The following PYGB variants were observed in gnomAD, a reference collection of about 807,000 sequenced individuals.
PYGB encodes glycogen phosphorylase B.
In PYGB, 82 loss-of-function variants were observed where a neutral mutation model predicts 94.3. The observed-to-expected ratio is 0.87, with a 90% confidence interval of 0.73 to 1.04. PYGB has a LOEUF of 1.04. Ranked by LOEUF, PYGB falls within the 50% of genes least tolerant of loss-of-function variation. The pLI is 0.00. For missense variants in PYGB, 1,132 were observed against 1,158.2 expected, an observed-to-expected ratio of 0.98 and a Z score of 0.33; for synonymous variants, 488 against 479.1, an observed-to-expected ratio of 1.02 and a Z score of -0.24.
intron 12 of PYGB, among the ~76,000 whole-genome samples, chr20:25,282,761 T>A (rs1358077480): frequency 6.6e-6 from 1 of 151,930 alleles, no homozygotes; most frequent in Non-Finnish European, 1.5e-5. Context: ...TGAGGAGAGG[T>A]GGCCGAGTGT....
intron 14 of PYGB, 40 bp from the exon 15 acceptor site, chr20:25,288,385 T>C (rs2088436729): frequency 1.2e-6 from 2 of 1,612,936 alleles, no homozygotes; most frequent in Non-Finnish European, 8.5e-7. Flanking sequence ...CTCGTCCGGC[T>C]CGCGGTGCCT....
chr20:25,291,644 G>A (rs1006066114), intron 16 of PYGB, among the ~76,000 whole-genome samples: 22 of 152,034 alleles, frequency 1.4e-4, no homozygotes, highest in Non-Finnish European at 1.0e-4. Flanking sequence ...TCCTCTGACC[G>A]AAGCATCTCC....
Position 25,279,092 on chromosome 20 carries a change from C to G in PYGB, c.1035C>G (p.Leu345=), listed in dbSNP as rs2088341910. The G allele has an allele frequency of 6.2e-7, 1 of 1,614,044 alleles. No individual in the cohort carries two copies. Among genetic ancestry groups the G allele is most frequent in the Non-Finnish European group, 8.5e-7 (1 of 1,179,912 alleles). The part of the protein sequence containing the change: ...AIQLNDTHPA[L]SIPELMRILV... ...AGCTGAACGACACCCACCCCGCCCT[C>G]TCCATCCCTGAGCTCATGCGGATCC... Residue 345 remains leucine (L), a synonymous_variant, in exon 9 of 20, where the codon CTC becomes CTG. Transcript: ENST00000216962.
At position 25,292,467 on chromosome 20, in the gene PYGB, A is replaced by C. The variant is rs979944577; in HGVS notation, c.2031A>C (p.Thr677=). 6.2e-7 allele frequency: 1 copy of C among 1,613,440 alleles called. No homozygotes were observed. Among genetic ancestry groups the C allele is most frequent in the East Asian group, 2.2e-5 (1 of 44,890 alleles). ...ISTAGTEASG[T]GNMKFMLNGA... is the part of the protein sequence containing the mutation. ...CTGCAGGCACCGAGGCCTCAGGCAC[A>C]GGCAACATGAAGTTCATGCTCAACG... The change falls in exon 17 of 20, where the codon ACA becomes ACC. Residue 677 remains threonine, a synonymous_variant. Coordinates refer to ENST00000216962, the MANE Select transcript of PYGB (RefSeq NM_002862.4).
chr20:25,256,470 T>C (rs989957776), intron 1 of PYGB, among the ~76,000 whole-genome samples: 2 of 147,574 alleles, frequency 1.4e-5, no homozygotes, highest in African/African-American at 5.0e-5. Context: ...CATTCCAGCC[T>C]GGGCAACAGA....
intron 18 of PYGB, 136 bp downstream of exon 18, chr20:25,294,428 G>A: frequency 8.7e-7 from 1 of 1,147,454 alleles, no homozygotes; most frequent in Non-Finnish European, 1.2e-6. Context: ...GTGCCCATGA[G>A]ACCTTACTGG....
intron 12 of PYGB, 126 bp downstream of exon 12, chr20:25,282,273 G>A: frequency 1.3e-6 from 1 of 759,284 alleles, no homozygotes; most frequent in African/African-American, 1.8e-5. Flanking sequence ...TGACCTGCAG[G>A]CTTCTGGACA....
intron 9 of PYGB, among the ~76,000 whole-genome samples, chr20:25,280,016 T>A (rs1456523068): frequency 6.6e-6 from 1 of 152,226 alleles, no homozygotes; most frequent in Non-Finnish European, 1.5e-5. Context: ...TGTGTCTTAT[T>A]TGTGTGTGTG....
chr20:25,248,555 AGC>A, intron 1 of PYGB, 134 bp downstream of exon 1: 4 of 1,157,462 alleles, frequency 3.5e-6, no homozygotes, highest in Non-Finnish European at 4.3e-6. Context: ...GGCCAGGCAC[AGC>A]CGACTGGGGA....
chr20:25,288,582 G>C (rs777161769), intron 15 of PYGB, 99 bp downstream of exon 15: 8 of 1,407,440 alleles, frequency 5.7e-6, no homozygotes, highest in Non-Finnish European at 7.9e-6. Flanking sequence ...ATCCATACTC[G>C]GGAACCGGAT....
intron 14 of PYGB, among the ~76,000 whole-genome samples, chr20:25,287,126 A>G (rs1421247527): frequency 2.0e-5 from 3 of 152,160 alleles, no homozygotes; most frequent in African/African-American, 7.2e-5. Context: ...CTGCAAACAA[A>G]TGACCTGGCG....
chr20:25,270,075 C>T (rs934371915), intron 3 of PYGB, among the ~76,000 whole-genome samples: 2 of 152,186 alleles, frequency 1.3e-5, no homozygotes, highest in Non-Finnish European at 2.9e-5. Flanking sequence ...CTCCATCATC[C>T]CTCTCCCTCA....
At chr20:25,251,090 A>G (rs1343518266) in intron 1 of PYGB, 1 of 152,256 alleles carries the variant, frequency 6.6e-6, no homozygotes, top group African/African-American at 2.4e-5. Flanking sequence ...AGATTTGTCA[A>G]GCTTTGCCAT....
intron 7 of PYGB, 79 bp from the exon 8 acceptor site, chr20:25,278,240 A>G (rs2088331275): frequency 2.9e-6 from 2 of 699,700 alleles, no homozygotes; most frequent in Admixed American, 6.3e-5. Flanking sequence ...TGCACCTTTG[A>G]GCCAGGTCGC....
At chr20:25,276,447 A>G (rs969309250) in intron 5 of PYGB, among the ~76,000 whole-genome samples, 199 bp from the exon 6 acceptor site, 17 of 151,842 alleles carry the variant, frequency 1.1e-4, no homozygotes, top group Admixed American at 2.6e-4. Context: ...CAGGATGACA[A>G]TGTGGGCACC....
At chr20:25,283,342 C>T (rs2088386742) in intron 13 of PYGB, 65 bp downstream of exon 13, 3 of 1,413,080 alleles carry the variant, frequency 2.1e-6, no homozygotes, top group African/African-American at 1.4e-5. Context: ...TAGGCCCTGG[C>T]CCTAGCCCTC....
At chr20:25,264,558 A>G (rs991493902) in intron 2 of PYGB, among the ~76,000 whole-genome samples, 2 of 152,236 alleles carry the variant, frequency 1.3e-5, no homozygotes, top group Non-Finnish European at 2.9e-5. Context: ...CCTTAAGCTG[A>G]TAAGCAACTT....
rs745625366 is a variant in PYGB, at chr20:25,295,616, T to C, written c.2325T>C (p.Phe775=). The change falls in exon 19 of 20, where the codon TTT becomes TTC. Residue 775 remains phenylalanine, a synonymous_variant. Coordinates refer to ENST00000216962, the MANE Select transcript of PYGB (RefSeq NM_002862.4). The part of the protein sequence containing the change: ...MLMHHDRFKV[F]ADYEAYMQCQ... ...TCTCCCATTCCAGGTTCAAGGTGTT[T>C]GCAGACTATGAAGCCTACATGCAGT... is the stretch of plus-strand genomic sequence containing the variant. 1.9e-6 allele frequency: 3 copies of C among 1,613,982 alleles called. No individual in the cohort carries two copies. The South Asian group carries it at 3.3e-5, about 18-fold the overall frequency.
chr20:25,271,701 G>C (rs989818226), intron 4 of PYGB, among the ~76,000 whole-genome samples: 1 of 152,214 alleles, frequency 6.6e-6, no homozygotes, highest in African/African-American at 2.4e-5. Flanking sequence ...CTTTTTGCCA[G>C]CTGCCTCTGC....
Sources: gnomAD v4.1 joint callset for allele counts (sites outside exome capture counted in the v4.1 genomes callset) on GRCh38, gnomAD v4.1.1 for gene constraint, MANE v1.5 for transcripts, NCBI Gene and HGNC (gene_info 2026-07-23, HGNC 2026-07-21) for gene names.